PRKN: variants seen among roughly 807,000 people sequenced by gnomAD.
PRKN encodes parkin RBR E3 ubiquitin protein ligase, also known as E3 ubiquitin-protein ligase parkin.
PRKN carries 56 observed loss-of-function variants against 59.5 expected under a neutral mutation model. The observed-to-expected ratio is 0.94, with a 90% CI of 0.76 to 1.18. The LOEUF is 1.18. Ranked by LOEUF, PRKN falls within the 50% of genes most tolerant of loss-of-function variation. The pLI is 0.00. For missense variants in PRKN, 657 were observed against 596.4 expected (o/e 1.10, Z -1.06); for synonymous variants, 250 against 222.1 (o/e 1.13, Z -1.12).
intron 1 of PRKN, among the ~76,000 whole-genome samples, chr6:162,586,086 G>A (rs1781040420): frequency 6.6e-6 from 1 of 152,178 alleles, no homozygotes; most frequent in Non-Finnish European, 1.5e-5. Flanking sequence ...CATAGGATAA[G>A]TAACTACCTC....
At chr6:162,475,285 T>A (rs1004295943) in intron 1 of PRKN, among the ~76,000 whole-genome samples, 15 of 152,190 alleles carry the variant, frequency 9.9e-5, no homozygotes, top group Non-Finnish European at 1.5e-4. Flanking sequence ...TGAGGGCTTA[T>A]TGGGTATAAG....
chr6:161,591,110 G>A (rs1781706579), intron 7 of PRKN, among the ~76,000 whole-genome samples: 1 of 152,120 alleles, frequency 6.6e-6, no homozygotes, highest in South Asian at 2.1e-4. Flanking sequence ...GGACCATCAT[G>A]TTGGCAACTT....
At chr6:162,196,804 C>T (rs1229725841) in intron 4 of PRKN, among the ~76,000 whole-genome samples, 1 of 152,140 alleles carries the variant, frequency 6.6e-6, no homozygotes, top group Non-Finnish European at 1.5e-5. Context: ...TGGAGCATCA[C>T]ATTTGAAAAG....
chr6:161,422,200 T>C (rs1000858433), intron 9 of PRKN, among the ~76,000 whole-genome samples: 29 of 148,348 alleles, frequency 2.0e-4, no homozygotes, highest in African/African-American at 7.2e-4. Flanking sequence ...ATAAAATCTT[T>C]TTTTTTTTTT....
chr6:162,180,673 G>A (rs181257141), intron 4 of PRKN, among the ~76,000 whole-genome samples: 2 of 152,162 alleles, frequency 1.3e-5, no homozygotes, highest in East Asian at 1.9e-4. Context: ...ATATGTTGTC[G>A]GTTCCTTTTG....
chr6:161,465,176 G>A (rs114049180), intron 9 of PRKN, among the ~76,000 whole-genome samples: 3,413 of 152,232 alleles, frequency 0.022, 36 homozygotes, highest in Middle Eastern at 0.082. Flanking sequence ...ACCTGCTTTA[G>A]GCCTTTCTGC....
chr6:162,543,629 GT>G (rs1260880620), intron 1 of PRKN, among the ~76,000 whole-genome samples: 1 of 152,094 alleles, frequency 6.6e-6, no homozygotes, highest in African/African-American at 2.4e-5. Flanking sequence ...GGAGGAGAGA[GT>G]TCTGTAATAC....
intron 9 of PRKN, among the ~76,000 whole-genome samples, chr6:161,492,284 G>T (rs761188692): frequency 3.3e-4 from 50 of 152,192 alleles, no homozygotes; most frequent in Non-Finnish European, 6.3e-4. Context: ...ACAGGCCCGG[G>T]GTGGGTCTCC....
At position 162,439,322 on chromosome 6, in the gene PRKN, C is replaced by G. The variant is rs113181357; in HGVS notation, c.171+3988G>C. Among the ~76,000 whole-genome samples the G allele has an allele frequency of 3.5e-3, 506 of 146,048 alleles. 5 individuals carry two copies. Among genetic ancestry groups the G allele is most frequent in the African/African-American group, 0.013 (485 of 37,928 alleles). On this transcript the variant is annotated intron_variant, in intron 2 of 11. Coordinates refer to ENST00000366898, the MANE Select transcript of PRKN (RefSeq NM_004562.3). ...TTTCTTCCTTTTCCCTTCCCTTCCC[C>G]CTTCCTTTACCCCTCCCTTCTCTCT... is the stretch of plus-strand genomic sequence containing the variant.
chr6:162,690,265 C>T (rs910972066), intron 1 of PRKN, among the ~76,000 whole-genome samples: 1 of 152,168 alleles, frequency 6.6e-6, no homozygotes, highest in African/African-American at 2.4e-5. Flanking sequence ...CATAAACAGA[C>T]TTGAAATTCT....
chr6:162,688,886 C>T (rs1241878958), intron 1 of PRKN, among the ~76,000 whole-genome samples: 1 of 152,096 alleles, frequency 6.6e-6, no homozygotes, highest in Non-Finnish European at 1.5e-5. Flanking sequence ...AGTTGTTTCT[C>T]AAGGAATACA....
intron 7 of PRKN, among the ~76,000 whole-genome samples, chr6:161,743,691 C>T (rs1356939468): frequency 6.6e-6 from 1 of 152,030 alleles, no homozygotes; most frequent in East Asian, 1.9e-4. Context: ...CCGGGCACAC[C>T]GTGAGCCCCG....
chr6:161,453,927 A>G (rs957120542), intron 9 of PRKN, among the ~76,000 whole-genome samples: 1 of 152,076 alleles, frequency 6.6e-6, no homozygotes, highest in African/African-American at 2.4e-5. Context: ...GGGAAAGATT[A>G]GTATCTTATT....
intron 2 of PRKN, among the ~76,000 whole-genome samples, chr6:162,392,767 T>C (rs1015892529): frequency 6.6e-6 from 1 of 152,212 alleles, no homozygotes; most frequent in Non-Finnish European, 1.5e-5. Flanking sequence ...TTTTTAAAAC[T>C]CAGCCTATCA....
At chr6:161,569,568 A>G (rs1562531748) in intron 7 of PRKN, 152 bp from the exon 8 acceptor site, 2 of 716,536 alleles carry the variant, frequency 2.8e-6, no homozygotes, top group African/African-American at 1.8e-5. Flanking sequence ...CAACCACAAA[A>G]AAAGCCAAAC....
rs539900832 is a variant in PRKN at position 162,349,827 on chromosome 6, T to C, written c.172-87062A>G. On this transcript the variant is annotated intron_variant, in intron 2 of 11. Transcript: ENST00000366898. ...CTGCTCTTATCAGTTCTATTCAACA[T>C]TGTACTGGAGGTTTTAGTCAATGCA... 2.2e-4 allele frequency among the ~76,000 whole-genome samples: 34 copies of C among 152,292 alleles called. No individual in the cohort carries two copies. The South Asian group carries it at 2.7e-3, about 12-fold the overall frequency.
intron 3 of PRKN, among the ~76,000 whole-genome samples, chr6:162,224,315 A>T (rs1197708539): frequency 6.6e-6 from 1 of 152,154 alleles, no homozygotes; most frequent in Non-Finnish European, 1.5e-5. Flanking sequence ...AAACTTGCCA[A>T]TGTCTTATAA....
At chr6:162,096,720 T>C (rs932435049) in intron 4 of PRKN, among the ~76,000 whole-genome samples, 1 of 152,098 alleles carries the variant, frequency 6.6e-6, no homozygotes, top group Non-Finnish European at 1.5e-5. Flanking sequence ...CCTTTCACCT[T>C]CTGCCATGAT....
intron 2 of PRKN, among the ~76,000 whole-genome samples, chr6:162,288,385 A>C (rs923981664): frequency 6.6e-6 from 1 of 152,118 alleles, no homozygotes; most frequent in Non-Finnish European, 1.5e-5. Flanking sequence ...AGGTTACACT[A>C]TAGGGCCAAG....
Sources: allele counts gnomAD v4.1 joint callset (sites outside exome capture counted in the v4.1 genomes callset), GRCh38; gene constraint gnomAD v4.1.1; transcripts MANE v1.5; gene names NCBI Gene and HGNC (gene_info 2026-07-23, HGNC 2026-07-21).